The following ATP2B2 variants were observed in gnomAD, a reference collection of about 807,000 sequenced individuals.
ATP2B2 encodes the protein plasma membrane calcium-transporting ATPase 2.
In ATP2B2, 15 loss-of-function variants were observed where a neutral mutation model predicts 120.0. The observed-to-expected ratio is 0.12, with a 90% CI of 0.08 to 0.19. The LOEUF (loss-of-function observed/expected upper bound fraction) is 0.19, where lower values mean the gene tolerates loss of function less well. ATP2B2 is among the 10% of genes least tolerant of loss of function. The pLI is 1.00. For synonymous variants in ATP2B2, 694 were observed against 700.3 expected, an observed-to-expected ratio of 0.99 and a Z score of 0.14; for missense variants, 1,045 against 1,719.8, an observed-to-expected ratio of 0.61 and a Z score of 6.94.
At chr3:10,389,105 CT>C (rs1342827304) in intron 5 of ATP2B2, among the ~76,000 whole-genome samples, 1 of 152,228 alleles carries the variant, frequency 6.6e-6, no homozygotes, top group African/African-American at 2.4e-5. Flanking sequence ...TTAAGAACCA[CT>C]TTCCTAGAAC....
chr3:10,354,328 T>C (rs1385064135), intron 14 of ATP2B2, among the ~76,000 whole-genome samples: 2 of 152,166 alleles, frequency 1.3e-5, no homozygotes, highest in South Asian at 2.1e-4. Flanking sequence ...CCAGTTGAAA[T>C]ATGCTTCCCA....
intron 1 of ATP2B2, among the ~76,000 whole-genome samples, chr3:10,683,760 GTATATATATATATATATATATATA>G (rs71055831): frequency 0.033 from 1,803 of 53,944 alleles, 96 homozygotes; most frequent in Middle Eastern, 0.075. Context: ...GTGTGTGTGT[GTATATATATATATATATATATATA>G]TATATATATA....
intron 3 of ATP2B2, among the ~76,000 whole-genome samples, chr3:10,519,281 C>A (rs1256187312): frequency 6.6e-6 from 1 of 152,188 alleles, no homozygotes; most frequent in Admixed American, 6.5e-5. Flanking sequence ...CTTTGGGGTC[C>A]CCTGAATTAG....
chr3:10,629,906 G>A (rs2069815468), intron 1 of ATP2B2, among the ~76,000 whole-genome samples: 1 of 152,238 alleles, frequency 6.6e-6, no homozygotes, highest in African/African-American at 2.4e-5. Flanking sequence ...GTGTGGAAGG[G>A]CTGAGCCTCT....
intron 2 of ATP2B2, among the ~76,000 whole-genome samples, chr3:10,560,630 T>G (rs1406339515): frequency 6.6e-6 from 1 of 152,190 alleles, no homozygotes; most frequent in Non-Finnish European, 1.5e-5. Context: ...TCTAGCACCT[T>G]GCACATCCTT....
At chr3:10,463,351 G>T (rs2044875513) in intron 1 of ATP2B2, among the ~76,000 whole-genome samples, 1 of 152,152 alleles carries the variant, frequency 6.6e-6, no homozygotes, top group Non-Finnish European at 1.5e-5. Context: ...GGAATGACAT[G>T]GGAAGCGAGG....
intron 2 of ATP2B2, among the ~76,000 whole-genome samples, chr3:10,615,573 C>A (rs1433870450): frequency 6.6e-6 from 1 of 152,176 alleles, no homozygotes; most frequent in African/African-American, 2.4e-5. Context: ...AGAAGGTCAG[C>A]TGACAAGGGA....
At position 10,449,590 on chromosome 3, in the gene ATP2B2, A is replaced by G. The variant is rs1245232038; in HGVS notation, c.-47T>C. 1.9e-6 allele frequency: 3 copies of G among 1,609,208 alleles called. No individual in the cohort carries two copies. In the Admixed American group the frequency reaches 5.0e-5, roughly 27 times the overall value. On this transcript the variant is annotated 5_prime_UTR_variant, in exon 2 of 23. Transcript: ENST00000360273. ...GGCTGGGCCCAAGGGTCAGCGCTGG[A>G]CAAGAGGCTGCCGGGTGATGGCTGC... is the stretch of plus-strand genomic sequence containing the variant.
chr3:10,678,577 G>T (rs762415570), intron 1 of ATP2B2, among the ~76,000 whole-genome samples: 1 of 152,210 alleles, frequency 6.6e-6, no homozygotes. Flanking sequence ...TGGAAGGCTT[G>T]TCTGTTTATG....
intron 2 of ATP2B2, among the ~76,000 whole-genome samples, chr3:10,593,775 G>A (rs1319916456): frequency 3.9e-5 from 6 of 152,018 alleles, no homozygotes; most frequent in Admixed American, 1.3e-4. Context: ...GAGTGAACAG[G>A]CAACCTACAG....
chr3:10,701,100 G>C (rs2071810869), intron 1 of ATP2B2, among the ~76,000 whole-genome samples: 1 of 152,182 alleles, frequency 6.6e-6, no homozygotes, highest in Admixed American at 6.5e-5. Flanking sequence ...ACACTAAAAA[G>C]AAGAGAGAGA....
intron 2 of ATP2B2, among the ~76,000 whole-genome samples, chr3:10,565,511 T>C (rs528424693): frequency 1.3e-5 from 2 of 152,340 alleles, no homozygotes; most frequent in East Asian, 3.9e-4. Context: ...CCTAGACTAC[T>C]GCAACAGCCT....
intron 2 of ATP2B2, among the ~76,000 whole-genome samples, chr3:10,613,268 T>C (rs2069290497): frequency 6.6e-6 from 1 of 152,182 alleles, no homozygotes. Context: ...TGTGTGTGGC[T>C]GGTCCTGATT....
chr3:10,376,181 C>G (rs1465353167), intron 10 of ATP2B2, among the ~76,000 whole-genome samples: 1 of 152,040 alleles, frequency 6.6e-6, no homozygotes, highest in African/African-American at 2.4e-5. Context: ...AGCAGACATT[C>G]TAGAGGAGGA....
chr3:10,568,684 T>C (rs1013838978), intron 2 of ATP2B2, among the ~76,000 whole-genome samples: 4 of 152,196 alleles, frequency 2.6e-5, no homozygotes, highest in Non-Finnish European at 4.4e-5. Context: ...GTGACTTCCT[T>C]ATAAGCTCAG....
intron 1 of ATP2B2, among the ~76,000 whole-genome samples, chr3:10,458,901 T>C (rs1324768323): frequency 1.3e-5 from 2 of 152,258 alleles, no homozygotes; most frequent in Non-Finnish European, 2.9e-5. Context: ...ACTTGCACTA[T>C]GGCCCTTCCT....
At chr3:10,421,973 C>A in intron 2 of ATP2B2, among the ~76,000 whole-genome samples, 1 of 152,248 alleles carries the variant, frequency 6.6e-6, no homozygotes, top group East Asian at 1.9e-4. Flanking sequence ...TGTCACCTGG[C>A]TCATTTATTC....
At chr3:10,688,484 T>C (rs1398803760) in intron 1 of ATP2B2, among the ~76,000 whole-genome samples, 2 of 152,242 alleles carry the variant, frequency 1.3e-5, no homozygotes, top group Non-Finnish European at 2.9e-5. Flanking sequence ...TAATTCCTGC[T>C]GTTCAAGATC....
intron 2 of ATP2B2, among the ~76,000 whole-genome samples, chr3:10,416,955 CG>C (rs1559310857): frequency 7.2e-6 from 1 of 138,988 alleles, no homozygotes; most frequent in African/African-American, 2.8e-5. Context: ...TGGTGGGTGG[CG>C]GGGCAGAGCG....
Sources: allele counts gnomAD v4.1 joint callset (sites outside exome capture counted in the v4.1 genomes callset), GRCh38; gene constraint gnomAD v4.1.1; transcripts MANE v1.5; gene names NCBI Gene and HGNC (gene_info 2026-07-23, HGNC 2026-07-21).